ADCY10: variants seen among roughly 807,000 people sequenced by gnomAD.
ADCY10 encodes the protein adenylate cyclase 10.
In ADCY10, 156 loss-of-function variants were observed where a neutral mutation model predicts 183.3. The ratio of observed to expected loss-of-function variants is 0.85; its 90% CI spans 0.75 to 0.97. The LOEUF is 0.97. ADCY10 is among the 50% of genes least tolerant of loss of function. The pLI is 0.00. For missense variants in ADCY10, 1,745 were observed against 1,934.3 expected, an observed-to-expected ratio of 0.90 and a Z score of 1.84; for synonymous variants, 645 against 670.0, an observed-to-expected ratio of 0.96 and a Z score of 0.58.
chr1:167,815,516 A>T (rs543343256), intron 31 of ADCY10, among the ~76,000 whole-genome samples: 22 of 152,286 alleles, frequency 1.4e-4, no homozygotes, highest in African/African-American at 5.3e-4. Context: ...GGCTCACTAA[A>T]AGACTGAGAC....
chr1:167,820,026 T>A, intron 30 of ADCY10: 1 of 1,573,506 alleles, frequency 6.4e-7, no homozygotes, highest in Non-Finnish European at 8.7e-7. Context: ...TTTTTTCCTA[T>A]GACTCCCAGT....
In ADCY10 at chr1:167,854,210, G is replaced by A. The variant is rs566405327; in HGVS notation, c.2308+143C>T. On this transcript the variant is annotated intron_variant, in intron 18 of 32. Coordinates refer to ENST00000367851, the MANE Select transcript of ADCY10 (RefSeq NM_018417.6). Reference sequence around the variant, plus strand: ...AAGTTCGCTTACAATCTGGAATATCGGATCCAATAATTCCTGGCTCCCCAG... The same window carrying A: ...AAGTTCGCTTACAATCTGGAATATCAGATCCAATAATTCCTGGCTCCCCAG... The A allele has an allele frequency of 1.8e-4, 179 of 1,001,066 alleles. 3 individuals carry two copies. In the South Asian group the frequency reaches 2.2e-3, roughly 12 times the overall value. The allele number at this position is 1,001,066 out of a possible 1,614,324, so 62.0% of individuals were successfully genotyped here.
chr1:167,849,878 A>T (rs751599271), intron 18 of ADCY10, among the ~76,000 whole-genome samples: 18 of 152,208 alleles, frequency 1.2e-4, no homozygotes, highest in Middle Eastern at 3.2e-3. Flanking sequence ...CAGAGTACTT[A>T]GCGAGTTAGG....
At chr1:167,880,339 A>G in intron 10 of ADCY10, 148 bp from the exon 11 acceptor site, 4 of 963,462 alleles carry the variant, frequency 4.2e-6, no homozygotes, top group East Asian at 4.9e-5. Context: ...GCATTTCTAC[A>G]TGGCCCGGAG....
Position 167,834,094 on chromosome 1 carries a change from G to A in ADCY10, c.3310-17C>T. 1.3e-6 allele frequency: 2 copies of A among 1,588,534 alleles called. No homozygotes were observed. Among genetic ancestry groups the A allele is most frequent in the East Asian group, 2.2e-5 (1 of 44,774 alleles). On this transcript the variant is annotated splice_polypyrimidine_tract_variant and intron_variant, in intron 23 of 32. Transcript: ENST00000367851. ...CATGTATGCCTGTAACCAGCCCAAG[G>A]AGTAGAAAAGTGTTGATTCAGCAGG... is the stretch of plus-strand genomic sequence containing the variant.
intron 11 of ADCY10, 109 bp from the exon 12 acceptor site, chr1:167,878,744 T>C: frequency 2.8e-6 from 3 of 1,081,470 alleles, no homozygotes; most frequent in Non-Finnish European, 4.1e-6. Context: ...CTCCCTTTGC[T>C]GTTCATGAGT....
intron 1 of ADCY10, among the ~76,000 whole-genome samples, chr1:167,909,890 G>A (rs1188118716): frequency 6.6e-6 from 1 of 152,158 alleles, no homozygotes; most frequent in Admixed American, 6.5e-5. Flanking sequence ...AGTAAAAGCT[G>A]AAAAACACAG....
chr1:167,826,364 T>C lies in ADCY10; in HGVS notation c.3751-1509A>G, dbSNP rs541773136. Among the ~76,000 whole-genome samples the C allele has an allele frequency of 3.3e-5, 5 of 152,314 alleles. No homozygotes were observed. The South Asian group carries it at 8.3e-4, about 25-fold the overall frequency. On this transcript the variant is annotated intron_variant, in intron 26 of 32. Coordinates refer to ENST00000367851, the MANE Select transcript of ADCY10 (RefSeq NM_018417.6). ...TATAAAGCTCCTTGTTTATGCGGCT[T>C]TTCAGTGGTCACACTGCAGATAGGC...
At chr1:167,875,035 A>T (rs1571369397) in intron 13 of ADCY10, 96 bp downstream of exon 13, 4 of 1,016,560 alleles carry the variant, frequency 3.9e-6, no homozygotes, top group South Asian at 3.9e-5. Context: ...TCATTTTGTG[A>T]TAATTCATTA....
intron 14 of ADCY10, among the ~76,000 whole-genome samples, chr1:167,861,365 T>G (rs1666276626): frequency 6.6e-6 from 1 of 152,230 alleles, no homozygotes; most frequent in Non-Finnish European, 1.5e-5. Context: ...GAGCTCCCAT[T>G]GCCTAACGGC....
intron 7 of ADCY10, among the ~76,000 whole-genome samples, chr1:167,895,089 GGA>G (rs2102368478): frequency 6.6e-6 from 1 of 151,916 alleles, no homozygotes; most frequent in Admixed American, 6.6e-5. Flanking sequence ...GGCTGAGGCA[GGA>G]GAATCGCTTG....
intron 8 of ADCY10, among the ~76,000 whole-genome samples, chr1:167,887,636 T>C (rs1379048175): frequency 6.6e-6 from 1 of 152,048 alleles, no homozygotes; most frequent in East Asian, 1.9e-4. Flanking sequence ...ATGGGACATG[T>C]ATACATAACG....
chr1:167,852,566 C>T (rs1449881386), intron 18 of ADCY10, among the ~76,000 whole-genome samples: 1 of 152,058 alleles, frequency 6.6e-6, no homozygotes, highest in Non-Finnish European at 1.5e-5. Context: ...ATATCGCTTT[C>T]CTTTAATCCA....
At chr1:167,859,750 T>C (rs566499318) in intron 16 of ADCY10, 57 bp downstream of exon 16, 1 of 1,308,990 alleles carries the variant, frequency 7.6e-7, no homozygotes, top group South Asian at 1.2e-5. Context: ...CCACCTGGCT[T>C]TGTGGTGATT....
At chr1:167,823,193 G>A in intron 28 of ADCY10, 70 bp from the exon 29 acceptor site, 1 of 1,315,026 alleles carries the variant, frequency 7.6e-7, no homozygotes, top group Non-Finnish European at 1.1e-6. Flanking sequence ...TTGGGAGGCT[G>A]AGGTGGGTGG....
At chr1:167,820,027 G>A (rs1373459460) in intron 30 of ADCY10, 4 of 1,573,450 alleles carry the variant, frequency 2.5e-6, no homozygotes, top group Non-Finnish European at 3.5e-6. Flanking sequence ...TTTTTCCTAT[G>A]ACTCCCAGTT....
chr1:167,911,545 T>C (rs1370083978), intron 1 of ADCY10, among the ~76,000 whole-genome samples: 1 of 152,220 alleles, frequency 6.6e-6, no homozygotes, highest in African/African-American at 2.4e-5. Context: ...TTTTAAAAGT[T>C]CTAAGTTGCT....
At chr1:167,871,471 G>A (rs145620920) in intron 13 of ADCY10, among the ~76,000 whole-genome samples, 1,610 of 152,260 alleles carry the variant, frequency 0.011, 11 homozygotes, top group Admixed American at 0.016. Context: ...TATTTTTCTT[G>A]TGTGTTTTTA....
intron 9 of ADCY10, among the ~76,000 whole-genome samples, 154 bp downstream of exon 9, chr1:167,883,283 C>G (rs1667994362): frequency 6.6e-6 from 1 of 152,230 alleles, no homozygotes. Flanking sequence ...AGTGATCCGC[C>G]CACCTCTGCC....
Sources: gnomAD v4.1 joint callset for allele counts (sites outside exome capture counted in the v4.1 genomes callset) on GRCh38, gnomAD v4.1.1 for gene constraint, MANE v1.5 for transcripts, NCBI Gene and HGNC (gene_info 2026-07-23, HGNC 2026-07-21) for gene names.